The following RBM17 variants were observed in gnomAD, a reference collection of about 807,000 sequenced individuals.
RBM17 encodes RNA binding motif protein 17, also known as splicing factor 45.
A neutral mutation model predicts 53.2 loss-of-function variants in RBM17; 7 were observed. The ratio of observed to expected loss-of-function variants is 0.13; its 90% CI spans 0.07 to 0.25. The LOEUF is 0.25. Ranked by LOEUF, RBM17 falls within the 10% of genes least tolerant of loss-of-function variation. RBM17 has a pLI of 1.00. For synonymous variants in RBM17, 167 were observed against 178.1 expected (o/e 0.94, Z 0.50); for missense variants, 257 against 496.7 (o/e 0.52, Z 4.59).
rs748535463 is a variant in RBM17 at position 6,101,359 on chromosome 10, C to G, written c.212C>G (p.Thr71Ser). ...GSSDDRQIVD[T>S]PPHVAAGLKD... ...TCAGATGACCGGCAAATTGTGGACA[C>G]TCCACCGCATGTAGCAGCTGGGCTG... Residue 71 changes from threonine to serine, a missense_variant, in exon 3 of 12, where the codon ACT becomes AGT. Thr to Ser is a moderately conservative substitution (Grantham distance 58). Transcript: ENST00000379888. The G allele has an allele frequency of 1.2e-6, 2 of 1,613,048 alleles. No individual in the cohort carries two copies. The highest frequency in any genetic ancestry group is 8.5e-7 in the Non-Finnish European group (1 of 1,179,490).
intron 3 of RBM17, 30 bp downstream of exon 3, chr10:6,101,417 AC>A: frequency 7.1e-7 from 1 of 1,408,840 alleles, no homozygotes; most frequent in Non-Finnish European, 1.0e-6. Context: ...TGAGCTTGAT[AC>A]GTGTCTCTGT....
intron 2 of RBM17, 95 bp downstream of exon 2, chr10:6,097,283 T>C: frequency 7.9e-7 from 1 of 1,259,370 alleles, no homozygotes; most frequent in Non-Finnish European, 1.1e-6. Context: ...TCTTCTGCCT[T>C]TGTATTGGGT....
intron 3 of RBM17, among the ~76,000 whole-genome samples, 194 bp downstream of exon 3, chr10:6,101,581 A>G (rs114358165): frequency 6.6e-6 from 1 of 152,240 alleles, no homozygotes; most frequent in African/African-American, 2.4e-5. Flanking sequence ...AGTTTGTTGT[A>G]GAAAAATCAG....
intron 1 of RBM17, among the ~76,000 whole-genome samples, chr10:6,096,259 C>T (rs1039156997): frequency 1.3e-5 from 2 of 152,058 alleles, no homozygotes; most frequent in African/African-American, 4.8e-5. Context: ...AAGGGGCTTC[C>T]GCTGTGGCCT....
intron 9 of RBM17, 88 bp from the exon 10 acceptor site, chr10:6,113,955 AACATTT>A (rs1463832588): frequency 6.3e-6 from 5 of 791,688 alleles, no homozygotes; most frequent in African/African-American, 1.8e-5. Flanking sequence ...TGGGATTGAG[AACATTT>A]ACCATCACTA....
In RBM17 at chr10:6,115,529, G is replaced by C; in HGVS notation, c.1179G>C (p.Arg393Ser). ...GTTTCTACAATTTGGACAAATTCAG[G>C]GTCTTGGATTTGGCAGAACAAGTTT... ...KACFYNLDKF[R>S]VLDLAEQV Residue 393 changes from arginine to serine, a missense_variant, in exon 12 of 12, where the codon AGG becomes AGC. By Grantham distance (110) the Arg-to-Ser change is moderately radical. Around this residue, in one of 6 missense-constraint regions of RBM17, gnomAD observed 8 missense variants for 19.2 expected, o/e 0.42. Coordinates refer to ENST00000379888, the MANE Select transcript of RBM17 (RefSeq NM_032905.5). 6.2e-7 allele frequency: 1 copy of C among 1,613,108 alleles called. No individual in the cohort carries two copies. Among genetic ancestry groups the C allele is most frequent in the South Asian group, 1.1e-5 (1 of 91,052 alleles).
At position 6,106,205 on chromosome 10, in the gene RBM17, G is replaced by C; in HGVS notation, c.472G>C (p.Asp158His). Residue 158 changes from aspartate to histidine, a missense_variant, in exon 5 of 12, where the codon GAT (aspartate) becomes CAT (histidine). Physicochemically the swap from Asp to His is moderately conservative, Grantham distance 81 (BLOSUM62 -1). Coordinates refer to ENST00000379888, the MANE Select transcript of RBM17 (RefSeq NM_032905.5). ...ARRPDPDSDE[D>H]EDYERERRKR... ...GAGACCAGATCCAGATTCTGATGAA[G>C]ATGAAGATTATGAGCGAGAGAGGAG... The C allele has an allele frequency of 1.2e-6, 2 of 1,613,628 alleles. No individual in the cohort carries two copies. Among genetic ancestry groups the C allele is most frequent in the Non-Finnish European group, 1.7e-6 (2 of 1,179,556 alleles).
chr10:6,115,310 A>G lies in RBM17; in HGVS notation c.1101A>G (p.Lys367=). 2.5e-6 allele frequency: 4 copies of G among 1,609,732 alleles called. No homozygotes were observed. In the South Asian group the frequency reaches 3.3e-5, roughly 13 times the overall value. The change falls in exon 11 of 12, where the codon AAA becomes AAG. Residue 367 remains lysine, a splice_region_variant and synonymous_variant. Transcript: ENST00000379888. ...TTGAGAGAGTTGAATCAGCAATTAA[A>G]GGTTAGTGGTACAGCTAAATATTAA... ...LEFERVESAI[K]AVVDLNGRYF... is the part of the protein sequence containing the mutation.
intron 3 of RBM17, among the ~76,000 whole-genome samples, 185 bp downstream of exon 3, chr10:6,101,572 G>C (rs1309768305): frequency 6.6e-6 from 1 of 152,138 alleles, no homozygotes; most frequent in Non-Finnish European, 1.5e-5. Flanking sequence ...AAATTAAATA[G>C]TTTGTTGTAG....
chr10:6,107,736 CCT>C (rs1424240980), intron 5 of RBM17, among the ~76,000 whole-genome samples: 1 of 152,066 alleles, frequency 6.6e-6, no homozygotes, highest in African/African-American at 2.4e-5. Context: ...CCTGCCTCAG[CCT>C]CTCAAAGTGC....
intron 1 of RBM17, among the ~76,000 whole-genome samples, chr10:6,094,034 GTGCAATCT>G (rs1225082541): frequency 4.2e-5 from 6 of 143,986 alleles, no homozygotes; most frequent in African/African-American, 1.6e-4. Flanking sequence ...GAATGCAGTG[GTGCAATCT>G]TGGCTCACCG....
At chr10:6,102,781 AC>A in intron 3 of RBM17, among the ~76,000 whole-genome samples, 1 of 152,184 alleles carries the variant, frequency 6.6e-6, no homozygotes, top group Non-Finnish European at 1.5e-5. Flanking sequence ...CTTTATAAAT[AC>A]CACTCTAATG....
At chr10:6,095,527 T>C (rs755820313) in intron 1 of RBM17, among the ~76,000 whole-genome samples, 1 of 152,172 alleles carries the variant, frequency 6.6e-6, no homozygotes, top group Non-Finnish European at 1.5e-5. Flanking sequence ...CCTTCATTCT[T>C]ATGTGATTCA....
In RBM17 at chr10:6,089,803, T is replaced by C. The variant is rs1278416182; in HGVS notation, c.-19+610T>C. 6.6e-6 allele frequency: 1 copy of C among 152,316 alleles called. No individual in the cohort carries two copies. The highest frequency in any genetic ancestry group is 1.5e-5 in the Non-Finnish European group (1 of 68,044). 9.4% of individuals were successfully genotyped at this position (152,316 alleles called of 1,614,324 possible). ...CTTCGCCTCTTGCCCCGAGAATGTG[T>C]AATGATCGGAGAATGCAGGTGGAAT... is the stretch of plus-strand genomic sequence containing the variant. On this transcript the variant is annotated intron_variant, in intron 1 of 11. Coordinates refer to ENST00000379888, the MANE Select transcript of RBM17 (RefSeq NM_032905.5). The surrounding 1 kb of genome is among the most constrained non-coding windows in gnomAD (Gnocchi z 5.6).
intron 5 of RBM17, 76 bp downstream of exon 5, chr10:6,106,314 A>C (rs1420844856): frequency 2.1e-6 from 2 of 964,112 alleles, no homozygotes; most frequent in African/African-American, 3.3e-5. Context: ...TTTTCTTTTC[A>C]GTTTGATAAA....
rs1190237271 is a variant in RBM17, at chr10:6,115,547, A to G, written c.1197A>G (p.Glu399=). 1.2e-6 allele frequency: 2 copies of G among 1,607,016 alleles called. No individual in the cohort carries two copies. Among genetic ancestry groups the G allele is most frequent in the Non-Finnish European group, 1.7e-6 (2 of 1,173,922 alleles). ...LDKFRVLDLA[E]QV is the part of the protein sequence containing the mutation. Reference sequence around the variant, plus strand: ...AATTCAGGGTCTTGGATTTGGCAGAACAAGTTTGATTTTAAGAACTAGAGC... The same window carrying G: ...AATTCAGGGTCTTGGATTTGGCAGAGCAAGTTTGATTTTAAGAACTAGAGC... The change falls in exon 12 of 12, where the codon GAA becomes GAG. Residue 399 remains glutamate (E), a synonymous_variant. Coordinates refer to ENST00000379888, the MANE Select transcript of RBM17 (RefSeq NM_032905.5).
At chr10:6,110,631 T>C (rs1023461342) in intron 7 of RBM17, among the ~76,000 whole-genome samples, 2 of 152,244 alleles carry the variant, frequency 1.3e-5, no homozygotes, top group Non-Finnish European at 2.9e-5. Context: ...TTGGGGATTT[T>C]TTTAAACTGT....
In RBM17 at chr10:6,113,938, T is replaced by C. The variant is rs1840875761; in HGVS notation, c.931-111T>C. On this transcript the variant is annotated intron_variant, in intron 9 of 11. Transcript: ENST00000379888. Reference sequence around the variant, plus strand: ...ACTTTGGGGATGAAATTTTTCATTATGTCGTTTGGGATTGAGAACATTTAC... The same window carrying C: ...ACTTTGGGGATGAAATTTTTCATTACGTCGTTTGGGATTGAGAACATTTAC... 8.6e-6 allele frequency: 6 copies of C among 699,604 alleles called. No homozygotes were observed. In the East Asian group the frequency reaches 1.1e-4, roughly 13 times the overall value. 43.3% of individuals were successfully genotyped at this position (699,604 alleles called of 1,614,324 possible). A position where few individuals can be genotyped will look rare whatever the true frequency, so the allele number is the denominator to read the frequency against.
intron 5 of RBM17, among the ~76,000 whole-genome samples, chr10:6,106,935 C>T (rs1224430022): frequency 6.6e-6 from 1 of 152,136 alleles, no homozygotes; most frequent in African/African-American, 2.4e-5. Context: ...AGCAGATTTC[C>T]AGTAATCACC....
Sources: allele counts gnomAD v4.1 joint callset (sites outside exome capture counted in the v4.1 genomes callset), GRCh38; gene constraint gnomAD v4.1.1; regional missense constraint gnomAD v4.1.1; non-coding constraint Gnocchi (gnomAD v3.1); transcripts MANE v1.5; gene names NCBI Gene and HGNC (gene_info 2026-07-23, HGNC 2026-07-21).